The following RBFOX3 variants were observed in gnomAD, a reference collection of about 807,000 sequenced individuals.
RBFOX3 encodes RNA binding fox-1 homolog 3.
RBFOX3 carries 17 observed loss-of-function variants against 48.7 expected under a neutral mutation model. That is an observed-to-expected ratio of 0.35 (90% confidence interval 0.24 to 0.52). The LOEUF is 0.52. Among genes scored for constraint, RBFOX3 ranks in the 20% least tolerant of loss-of-function variants. RBFOX3 has a pLI of 0.94. For synonymous variants in RBFOX3, 212 were observed against 209.5 expected, an observed-to-expected ratio of 1.01 and a Z score of -0.10; for missense variants, 382 against 497.5, an observed-to-expected ratio of 0.77 and a Z score of 2.21.
At chr17:79,659,913 A>G in the RBFOX3 span, among the ~76,000 whole-genome samples, 3 of 152,114 alleles carry the variant, frequency 2.0e-5, no homozygotes, top group African/African-American at 7.2e-5. Flanking sequence ...TATGCTGAGT[A>G]CAGTGGCTCA....
At chr17:79,285,531 T>C (rs2071661542) in intron 3 of RBFOX3, among the ~76,000 whole-genome samples, 1 of 152,252 alleles carries the variant, frequency 6.6e-6, no homozygotes, top group South Asian at 2.1e-4. Context: ...GGTAAAGATC[T>C]GTAAACCAAT....
intron 1 of RBFOX3, among the ~76,000 whole-genome samples, chr17:79,547,198 C>T (rs531132402): frequency 4.6e-5 from 7 of 152,174 alleles, no homozygotes; most frequent in Admixed American, 2.6e-4. Context: ...AAATCACTCA[C>T]GCCACTTTTG....
At chr17:79,627,070 A>C in the RBFOX3 span, among the ~76,000 whole-genome samples, 1 of 152,262 alleles carries the variant, frequency 6.6e-6, no homozygotes, top group Non-Finnish European at 1.5e-5. Context: ...CCTGGGGCTC[A>C]GACGGTCATC....
the RBFOX3 span, among the ~76,000 whole-genome samples, chr17:79,640,651 C>A: frequency 6.6e-6 from 1 of 152,056 alleles, no homozygotes; most frequent in Admixed American, 6.6e-5. Flanking sequence ...TAAATTCATT[C>A]ATTTATAATC....
At chr17:79,238,137 A>G (rs2061858530) in intron 3 of RBFOX3, among the ~76,000 whole-genome samples, 1 of 152,180 alleles carries the variant, frequency 6.6e-6, no homozygotes, top group African/African-American at 2.4e-5. Context: ...GGGTTTCACC[A>G]TGTTGGTCAG....
intron 2 of RBFOX3, among the ~76,000 whole-genome samples, chr17:79,333,907 T>G (rs1014281610): frequency 3.9e-5 from 6 of 152,024 alleles, no homozygotes; most frequent in African/African-American, 1.4e-4. Flanking sequence ...CCGAGGTGTC[T>G]CCTCTGTCTC....
At chr17:79,280,949 TAG>T (rs1365585224) in intron 3 of RBFOX3, among the ~76,000 whole-genome samples, 1 of 151,978 alleles carries the variant, frequency 6.6e-6, no homozygotes, top group Non-Finnish European at 1.5e-5. Context: ...ATCAGGAGTG[TAG>T]GAGAAGAGGC....
At chr17:79,240,376 TC>T (rs1469565199) in intron 3 of RBFOX3, among the ~76,000 whole-genome samples, 1 of 152,154 alleles carries the variant, frequency 6.6e-6, no homozygotes, top group East Asian at 1.9e-4. Context: ...ATCCCTTCTC[TC>T]CCAAGATAGA....
At chr17:79,097,535 A>G in intron 10 of RBFOX3, 111 bp from the exon 11 acceptor site, 1 of 954,200 alleles carries the variant, frequency 1.0e-6, no homozygotes, top group Non-Finnish European at 1.2e-6. Context: ...CCCCTCCCCA[A>G]GCCCCGCCCC....
intron 8 of RBFOX3, among the ~76,000 whole-genome samples, chr17:79,102,257 G>A (rs1276034960): frequency 1.3e-5 from 2 of 152,214 alleles, no homozygotes; most frequent in African/African-American, 2.4e-5. Flanking sequence ...TGGAGAAGAC[G>A]AGGCATGTGT....
chr17:79,306,526 A>G (rs1281043050), intron 3 of RBFOX3, among the ~76,000 whole-genome samples: 2 of 152,174 alleles, frequency 1.3e-5, no homozygotes, highest in Non-Finnish European at 1.5e-5. Flanking sequence ...TTTCCAACTC[A>G]GGCTAAACAA....
the RBFOX3 span, among the ~76,000 whole-genome samples, chr17:79,620,579 ACGCACG>A: frequency 4.5e-4 from 40 of 88,658 alleles, no homozygotes; most frequent in Middle Eastern, 7.1e-3. Flanking sequence ...GCGTGCACAC[ACGCACG>A]CACACACACG....
chr17:79,350,256 G>T (rs2083657315), intron 2 of RBFOX3, among the ~76,000 whole-genome samples: 1 of 152,154 alleles, frequency 6.6e-6, no homozygotes, highest in African/African-American at 2.4e-5. Context: ...CGCCTCTCCA[G>T]TCCTAGGGGC....
chr17:79,584,802 G>C (rs1599221630), intron 1 of RBFOX3, among the ~76,000 whole-genome samples: 1 of 151,070 alleles, frequency 6.6e-6, no homozygotes, highest in African/African-American at 2.4e-5. Context: ...GTCTCACTCT[G>C]TCGCCCAGGC....
intron 3 of RBFOX3, among the ~76,000 whole-genome samples, chr17:79,239,104 G>C (rs1215553445): frequency 6.6e-6 from 1 of 152,196 alleles, no homozygotes; most frequent in African/African-American, 2.4e-5. Flanking sequence ...TCCAGTGGTG[G>C]CCTGGTTGCC....
chr17:79,357,726 T>G (rs2085456428), intron 2 of RBFOX3, among the ~76,000 whole-genome samples: 1 of 115,454 alleles, frequency 8.7e-6, no homozygotes, highest in African/African-American at 3.3e-5. Context: ...GGGGGCGGTA[T>G]AGGGGGGTGG....
rs891349531 is a variant in RBFOX3, at chr17:79,530,923, C to T, written c.-319-48325G>A. ...CCAGGCCTGGCGGGTTAGACGGTCT[C>T]GGCCAGTCAGAGCCACGTGGCTGTG... On this transcript the variant is annotated intron_variant, in intron 1 of 14. Transcript: ENST00000693108. Among the ~76,000 whole-genome samples, 41 of 152,318 alleles carry T rather than the reference C, an allele frequency of 2.7e-4. No individual in the cohort carries two copies. The South Asian group carries it at 7.7e-3, about 29-fold the overall frequency.
intron 3 of RBFOX3, among the ~76,000 whole-genome samples, chr17:79,272,559 C>A (rs1337262065): frequency 1.3e-5 from 2 of 152,196 alleles, no homozygotes; most frequent in African/African-American, 2.4e-5. Flanking sequence ...TCCCACCTGG[C>A]TGCCTCCCCA....
rs144640404 is a variant in RBFOX3 at position 79,418,319 on chromosome 17, C to T, written c.-175+64135G>A. Among the ~76,000 whole-genome samples the T allele has an allele frequency of 4.6e-4, 70 of 152,350 alleles. No homozygotes were observed. Among genetic ancestry groups the T allele is most frequent in the African/African-American group, 1.6e-3 (65 of 41,580 alleles). On this transcript the variant is annotated intron_variant, in intron 2 of 14. Transcript: ENST00000693108. The surrounding 1 kb of genome is among the most constrained non-coding windows in gnomAD (Gnocchi z 5.0). ...CTCCCTCCTTGCACACCCACCCATG[C>T]ACACGCGTGCACACACGTTTCCCAC...
Sources: gnomAD v4.1 joint callset for allele counts (sites outside exome capture counted in the v4.1 genomes callset) on GRCh38, gnomAD v4.1.1 for gene constraint, Gnocchi (gnomAD v3.1) non-coding constraint, MANE v1.5 for transcripts, NCBI Gene and HGNC (gene_info 2026-07-23, HGNC 2026-07-21) for gene names.